PCDHGA10: variants seen among roughly 807,000 people sequenced by gnomAD.
PCDHGA10 encodes protocadherin gamma subfamily A, 10.
In PCDHGA10, 42 loss-of-function variants were observed where a neutral mutation model predicts 59.5. That is an observed-to-expected ratio of 0.71 (90% CI 0.55 to 0.91). The LOEUF (loss-of-function observed/expected upper bound fraction) is 0.91. Among genes scored for constraint, PCDHGA10 ranks in the 40% least tolerant of loss-of-function variants. The probability of loss-of-function intolerance (pLI) is 0.00; values close to 1 mark genes in which losing one functional copy is unlikely to be tolerated. For missense variants in PCDHGA10, 1,111 were observed against 1,198.2 expected, an observed-to-expected ratio of 0.93 and a Z score of 1.07; for synonymous variants, 511 against 517.2, an observed-to-expected ratio of 0.99 and a Z score of 0.16.
At position 141,490,208 on chromosome 5, in the gene PCDHGA10, G is replaced by A. The variant is rs745796427; in HGVS notation, c.2437-4599G>A. On this transcript the variant is annotated intron_variant, in intron 1 of 3. Coordinates refer to ENST00000398610, the MANE Select transcript of PCDHGA10 (RefSeq NM_018913.3). The surrounding 1 kb of genome is among the most constrained non-coding windows in gnomAD (Gnocchi z 5.4). ...TTCTATGAAATTCATGCAAGAGCCC[G>A]TGACCAGGGACAGCCTGCCATGGAG... 44 of 1,614,120 alleles carry A rather than the reference G, an allele frequency of 2.7e-5. No individual in the cohort carries two copies. The Admixed American group carries it at 4.5e-4, about 17-fold the overall frequency.
At position 141,491,834 on chromosome 5, in the gene PCDHGA10, C is replaced by T; in HGVS notation, c.2437-2973C>T. 6 of 1,473,830 alleles carry T rather than the reference C, an allele frequency of 4.1e-6. No homozygotes were observed. The highest frequency in any genetic ancestry group is 5.4e-6 in the Non-Finnish European group (6 of 1,112,366). The allele number at this position is 1,473,830 out of a possible 1,614,324, so 91.3% of individuals were successfully genotyped here. ...CGCTGGCTGCGCTCCACCCGATTCTCGGGATCATTGGACCGTTTGCGCGAA... is the reference window on the plus strand; with the variant it reads ...CGCTGGCTGCGCTCCACCCGATTCTTGGGATCATTGGACCGTTTGCGCGAA... On this transcript the variant is annotated intron_variant, in intron 1 of 3. Transcript: ENST00000398610. This position sits in a 1 kb window ranked among gnomAD's most constrained non-coding sequence, Gnocchi z 6.9.
rs546494803 is a variant in PCDHGA10 at position 141,425,207 on chromosome 5, G to C, written c.2436+9596G>C. Among the ~76,000 whole-genome samples, 7 of 152,120 alleles carry C rather than the reference G, an allele frequency of 4.6e-5. No homozygotes were observed. In the East Asian group the frequency reaches 1.2e-3, roughly 25 times the overall value. ...TCCAAACTGAGAAAAATGATGTAAG[G>C]CATTGTACTTTGACTGGAATTAGTT... On this transcript the variant is annotated intron_variant, in intron 1 of 3. Transcript: ENST00000398610.
intron 1 of PCDHGA10, chr5:141,419,262 G>C: frequency 1.9e-6 from 3 of 1,614,014 alleles, no homozygotes; most frequent in Non-Finnish European, 2.5e-6. Context: ...AACCAGCCGG[G>C]TGCCTCCATA....
intron 1 of PCDHGA10, among the ~76,000 whole-genome samples, chr5:141,425,919 GA>G (rs2096903434): frequency 6.6e-6 from 1 of 152,056 alleles, no homozygotes; most frequent in African/African-American, 2.4e-5. Flanking sequence ...CAGTCACTAC[GA>G]AAACTCATAA....
chr5:141,421,064 G>A (rs2096543646), intron 1 of PCDHGA10: 2 of 593,294 alleles, frequency 3.4e-6, no homozygotes, highest in Non-Finnish European at 5.7e-6. Context: ...ACACAAAGCG[G>A]AATGAGATGG....
In PCDHGA10 at chr5:141,476,218, C is replaced by G. The variant is rs1562052166; in HGVS notation, c.2437-18589C>G. On this transcript the variant is annotated intron_variant, in intron 1 of 3. Transcript: ENST00000398610. The surrounding 1 kb of genome is among the most constrained non-coding windows in gnomAD (Gnocchi z 7.6). ...TGAACAAGGCTTCCACGGTCATTCA[C>G]TATGAGATCCCGGAGGAAAGAGAGA... is the stretch of plus-strand genomic sequence containing the variant. 1 of 1,613,984 alleles carries G rather than the reference C, an allele frequency of 6.2e-7. No homozygotes were observed.
chr5:141,486,029 C>G lies in PCDHGA10; in HGVS notation c.2437-8778C>G. Reference sequence around the variant, plus strand: ...CACCTTTTATTTCAGTGGTCATACCCCTGATCGTGTAAGAAACCTCTTTAG... The same window carrying G: ...CACCTTTTATTTCAGTGGTCATACCGCTGATCGTGTAAGAAACCTCTTTAG... On this transcript the variant is annotated intron_variant, in intron 1 of 3. Transcript: ENST00000398610. The surrounding 1 kb of genome is among the most constrained non-coding windows in gnomAD (Gnocchi z 5.0). 6.2e-7 allele frequency: 1 copy of G among 1,614,016 alleles called. No homozygotes were observed. Among genetic ancestry groups the G allele is most frequent in the Non-Finnish European group, 8.5e-7 (1 of 1,179,900 alleles).
intron 1 of PCDHGA10, chr5:141,492,079 G>A (rs1400390407): frequency 4.1e-6 from 2 of 486,168 alleles, no homozygotes; most frequent in African/African-American, 2.0e-5. Context: ...CGCCGGCTCC[G>A]GCACGCTTCG....
chr5:141,503,130 C>A (rs1406819266), intron 2 of PCDHGA10, among the ~76,000 whole-genome samples: 1 of 151,980 alleles, frequency 6.6e-6, no homozygotes, highest in Non-Finnish European at 1.5e-5. Context: ...CCTCTGGTAG[C>A]CCCTGACACA....
chr5:141,467,284 C>T (rs2099140788), intron 1 of PCDHGA10, among the ~76,000 whole-genome samples: 1 of 152,080 alleles, frequency 6.6e-6, no homozygotes, highest in Non-Finnish European at 1.5e-5. Context: ...AACTCTTGAC[C>T]TCAAGTGATC....
chr5:141,420,488 A>C, intron 1 of PCDHGA10: 1 of 534,916 alleles, frequency 1.9e-6, no homozygotes, highest in East Asian at 3.8e-5. Context: ...CTACATGGGT[A>C]ATCTCCGGTG....
At chr5:141,427,774 G>A (rs760144039) in intron 1 of PCDHGA10, 1 of 1,420,908 alleles carries the variant, frequency 7.0e-7, no homozygotes, top group Non-Finnish European at 9.8e-7. Context: ...TTGGAGCTGC[G>A]GGCACTGTCG....
intron 1 of PCDHGA10, among the ~76,000 whole-genome samples, chr5:141,462,012 G>A (rs1046109009): frequency 9.9e-5 from 15 of 152,128 alleles, no homozygotes; most frequent in Admixed American, 5.9e-4. Context: ...TAATAGAGAC[G>A]GGGTTTCTTC....
At chr5:141,502,231 G>A (rs2099813372) in intron 2 of PCDHGA10, among the ~76,000 whole-genome samples, 1 of 152,172 alleles carries the variant, frequency 6.6e-6, no homozygotes, top group Non-Finnish European at 1.5e-5. Context: ...TGTTCTGTGT[G>A]TTCTTTTATC....
rs2096144450 is a variant in PCDHGA10 at position 141,417,665 on chromosome 5, T to C, written c.2436+2054T>C. On this transcript the variant is annotated intron_variant, in intron 1 of 3. Coordinates refer to ENST00000398610, the MANE Select transcript of PCDHGA10 (RefSeq NM_018913.3). ...CCTCAGCCTCTAGCCTGGGATTCCCTGCGCAGCCAACAACAGAAAAGAAAA... is the reference window on the plus strand; with the variant it reads ...CCTCAGCCTCTAGCCTGGGATTCCCCGCGCAGCCAACAACAGAAAAGAAAA... 3.3e-6 allele frequency: 3 copies of C among 915,730 alleles called. No individual in the cohort carries two copies. In the South Asian group the frequency reaches 5.8e-5, roughly 18 times the overall value. 56.7% of individuals were successfully genotyped at this position (915,730 alleles called of 1,614,324 possible).
At chr5:141,467,103 AGTACAATG>A (rs1438695307) in intron 1 of PCDHGA10, among the ~76,000 whole-genome samples, 1 of 147,462 alleles carries the variant, frequency 6.8e-6, no homozygotes, top group East Asian at 2.0e-4. Flanking sequence ...CACAGGCTGG[AGTACAATG>A]GTGCAATCTC....
At chr5:141,430,815 T>A in intron 1 of PCDHGA10, 1 of 1,535,252 alleles carries the variant, frequency 6.5e-7, no homozygotes, top group Non-Finnish European at 8.7e-7. Flanking sequence ...CTGGGAATCC[T>A]CCTGGGGACT....
In PCDHGA10 at chr5:141,476,686, C is replaced by T. The variant is rs138480390; in HGVS notation, c.2437-18121C>T. On this transcript the variant is annotated intron_variant, in intron 1 of 3. Coordinates refer to ENST00000398610, the MANE Select transcript of PCDHGA10 (RefSeq NM_018913.3). The surrounding 1 kb of genome is among the most constrained non-coding windows in gnomAD (Gnocchi z 7.6). ...TTCGCGTGCAGACGCGGGAGGACAGCACCAAGTACGCGGAGCTGGTGTTGG... is the reference window on the plus strand; with the variant it reads ...TTCGCGTGCAGACGCGGGAGGACAGTACCAAGTACGCGGAGCTGGTGTTGG... 6.2e-7 allele frequency: 1 copy of T among 1,614,126 alleles called. No homozygotes were observed. The highest frequency in any genetic ancestry group is 1.3e-5 in the African/African-American group (1 of 74,952).
chr5:141,431,554 C>A lies in PCDHGA10; in HGVS notation c.2436+15943C>A, dbSNP rs766242338. On this transcript the variant is annotated intron_variant, in intron 1 of 3. Coordinates refer to ENST00000398610, the MANE Select transcript of PCDHGA10 (RefSeq NM_018913.3). The surrounding 1 kb of genome is among the most constrained non-coding windows in gnomAD (Gnocchi z 4.8). ...TGGGCACGCAGCTGCTTGTAGTCAA[C>A]GCTACCGACCCTGACGAAGGAGTCA... 1.2e-6 allele frequency: 2 copies of A among 1,614,008 alleles called. No individual in the cohort carries two copies. Among genetic ancestry groups the A allele is most frequent in the African/African-American group, 1.3e-5 (1 of 74,942 alleles).
Sources: allele counts gnomAD v4.1 joint callset (sites outside exome capture counted in the v4.1 genomes callset), GRCh38; gene constraint gnomAD v4.1.1; non-coding constraint Gnocchi (gnomAD v3.1); transcripts MANE v1.5; gene names NCBI Gene and HGNC (gene_info 2026-07-23, HGNC 2026-07-21).